The following DDIAS variants were observed in gnomAD, a reference collection of about 807,000 sequenced individuals.
DDIAS encodes DNA damage induced apoptosis suppressor, also known as DNA damage-induced apoptosis suppressor protein.
In DDIAS, 14 loss-of-function variants were observed where a neutral mutation model predicts 15.7. The observed-to-expected ratio is 0.89, with a 90% CI of 0.59 to 1.39. The LOEUF (loss-of-function observed/expected upper bound fraction) is 1.39, where lower values mean the gene tolerates loss of function less well. Ranked by LOEUF, DDIAS falls within the 40% of genes most tolerant of loss-of-function variation. The pLI is 0.00. For synonymous variants in DDIAS, 355 were observed against 395.9 expected (o/e 0.90, Z 1.23); for missense variants, 1,035 against 1,130.9 (o/e 0.92, Z 1.22).
chr11:82,914,905 T>G lies in DDIAS; in HGVS notation c.113+54T>G, dbSNP rs573538532. 4 of 1,221,674 alleles carry G rather than the reference T, an allele frequency of 3.3e-6. No individual in the cohort carries two copies. The African/African-American group carries it at 6.2e-5, about 19-fold the overall frequency. 75.7% of individuals were successfully genotyped at this position (1,221,674 alleles called of 1,614,324 possible). On this transcript the variant is annotated intron_variant, in intron 3 of 5. Transcript: ENST00000533655. ...AGGAAATACAAATGCACACTGTAGA[T>G]TTCCTATGGCTCAAGGGCAAGGACC... is the stretch of plus-strand genomic sequence containing the variant.
chr11:82,932,286 C>T lies in DDIAS; in HGVS notation c.948C>T (p.Gly316=). The T allele has an allele frequency of 6.2e-7, 1 of 1,613,866 alleles. No homozygotes were observed. The highest frequency in any genetic ancestry group is 8.5e-7 in the Non-Finnish European group (1 of 1,179,822). ...STAEKLGKEL[G]LQAKELSAVH... ...CAGAAAAGTTGGGTAAAGAACTTGG[C>T]TTACAAGCTAAGGAGCTGAGTGCAG... is the stretch of plus-strand genomic sequence containing the variant. Residue 316 remains glycine, a synonymous_variant, in exon 6 of 6, where the codon GGC becomes GGT. Coordinates refer to ENST00000533655, the MANE Select transcript of DDIAS (RefSeq NM_145018.4).
At chr11:82,925,374 A>C (rs1425677421) in intron 3 of DDIAS, among the ~76,000 whole-genome samples, 1 of 152,130 alleles carries the variant, frequency 6.6e-6, no homozygotes, top group Admixed American at 6.5e-5. Context: ...AAACAAGAGA[A>C]TCACTTAAGC....
intron 1 of DDIAS, among the ~76,000 whole-genome samples, chr11:82,903,671 T>C (rs1427835414): frequency 6.6e-6 from 1 of 152,352 alleles, no homozygotes; most frequent in Non-Finnish European, 1.5e-5. Context: ...TAGGGACTTA[T>C]TATGACTGCC....
intron 3 of DDIAS, among the ~76,000 whole-genome samples, chr11:82,921,571 CTTTTTTT>C (rs968751055): frequency 9.0e-5 from 7 of 78,132 alleles, no homozygotes; most frequent in Non-Finnish European, 1.2e-4. Context: ...TTCTTTCTTT[CTTTTTTT>C]TTTTTTTTTT....
chr11:82,932,725 G>C lies in DDIAS; in HGVS notation c.1387G>C (p.Val463Leu), dbSNP rs1226419137. 1 of 1,614,058 alleles carries C rather than the reference G, an allele frequency of 6.2e-7. No homozygotes were observed. Residue 463 changes from valine to leucine, a missense_variant, in exon 6 of 6, where the codon GTG (valine) becomes CTG (leucine). Physicochemically the swap from Val to Leu is conservative, Grantham distance 32 (BLOSUM62 1). Transcript: ENST00000533655. ...KFHADHSRLS[V>L]TPQRTTGALH... is the part of the protein sequence containing the mutation. ...TCATGCAGACCACAGCAGGTTATCTGTGACTCCCCAGAGAACTACTGGAGC... is the reference window on the plus strand; with the variant it reads ...TCATGCAGACCACAGCAGGTTATCTCTGACTCCCCAGAGAACTACTGGAGC...
At position 82,902,392 on chromosome 11, in the gene DDIAS, C is replaced by G. The variant is rs11825469; in HGVS notation, c.-117+570C>G. Among the ~76,000 whole-genome samples the G allele has an allele frequency of 8.3e-4, 126 of 151,856 alleles. 2 individuals carry two copies. In the East Asian group the frequency reaches 0.019, roughly 23 times the overall value. On this transcript the variant is annotated intron_variant, in intron 1 of 5. Coordinates refer to ENST00000533655, the MANE Select transcript of DDIAS (RefSeq NM_145018.4). ...TACATAGCTGTGACAGTAACCCCCC[C>G]CTCCCCCGCCGCCCCAGCTGGTTCT... is the stretch of plus-strand genomic sequence containing the variant.
rs374419964 is a variant in DDIAS at position 82,933,330 on chromosome 11, C to T, written c.1992C>T (p.Ser664=). Residue 664 remains serine (S), a synonymous_variant, in exon 6 of 6, where the codon AGC becomes AGT. Coordinates refer to ENST00000533655, the MANE Select transcript of DDIAS (RefSeq NM_145018.4). ...WGHINNNVTQ[S]YSIGYEGSYD... ...ATATCAATAACAACGTAACACAGAGCTATTCTATTGGTTATGAAGGTAGCT... is the reference window on the plus strand; with the variant it reads ...ATATCAATAACAACGTAACACAGAGTTATTCTATTGGTTATGAAGGTAGCT... The T allele has an allele frequency of 6.2e-7, 1 of 1,613,994 alleles. No individual in the cohort carries two copies. Among genetic ancestry groups the T allele is most frequent in the Non-Finnish European group, 8.5e-7 (1 of 1,179,970 alleles).
At chr11:82,921,681 C>T (rs1298755995) in intron 3 of DDIAS, among the ~76,000 whole-genome samples, 2 of 148,698 alleles carry the variant, frequency 1.3e-5, no homozygotes, top group Non-Finnish European at 3.0e-5. Context: ...CAGGTTCAAG[C>T]AATTCTCCTG....
Position 82,934,314 on chromosome 11 carries a change from G to A in DDIAS, c.2976G>A (p.Trp992Ter). 2 of 1,595,708 alleles carry A rather than the reference G, an allele frequency of 1.3e-6. No individual in the cohort carries two copies. Among genetic ancestry groups the A allele is most frequent in the African/African-American group, 1.4e-5 (1 of 73,894 alleles). The change falls in exon 6 of 6, where the codon TGG becomes TGA. Residue 992 changes from tryptophan to a stop codon, truncating the protein, a stop_gained. Coordinates refer to ENST00000533655, the MANE Select transcript of DDIAS (RefSeq NM_145018.4). LOFTEE classifies it high-confidence loss of function. ...PPSVCETRSA[W>*]SPELFS The stretch of plus-strand genomic sequence containing the variant: ...CAGTGTGTGAAACTCGAAGTGCTTG[G>A]TCACCTGAATTGTTTTCATAAAAAG...
chr11:82,931,432 G>A (rs1209159252), intron 5 of DDIAS, among the ~76,000 whole-genome samples: 1 of 152,100 alleles, frequency 6.6e-6, no homozygotes, highest in Non-Finnish European at 1.5e-5. Context: ...GCTCACTGCA[G>A]CCTTGACCTC....
intron 1 of DDIAS, among the ~76,000 whole-genome samples, chr11:82,906,778 GT>G (rs1860440863): frequency 1.3e-5 from 2 of 152,054 alleles, no homozygotes; most frequent in Admixed American, 1.3e-4. Context: ...ATGAAATAAG[GT>G]ACTATATATG....
In DDIAS at chr11:82,932,820, C is replaced by G. The variant is rs991888550; in HGVS notation, c.1482C>G (p.Asp494Glu). The G allele has an allele frequency of 1.2e-6, 2 of 1,613,442 alleles. No individual in the cohort carries two copies. The highest frequency in any genetic ancestry group is 2.7e-5 in the African/African-American group (2 of 74,930). Residue 494 changes from aspartate to glutamate, a missense_variant, in exon 6 of 6, where the codon GAC becomes GAG. Asp to Glu is a conservative substitution (Grantham distance 45). Transcript: ENST00000533655. Reference protein sequence around the residue: ...VIVKANCSKDDFLFNCKGNLS... With the variant: ...VIVKANCSKDEFLFNCKGNLS... ...TCAAAGCAAACTGTAGCAAAGATGA[C>G]TTCCTTTTCAACTGTAAAGGAAATC...
At chr11:82,919,034 T>G (rs1272787748) in intron 3 of DDIAS, among the ~76,000 whole-genome samples, 1 of 152,200 alleles carries the variant, frequency 6.6e-6, no homozygotes, top group East Asian at 1.9e-4. Flanking sequence ...AATCATATTG[T>G]CAGCAAACAG....
chr11:82,915,587 G>A (rs1422475347), intron 3 of DDIAS, among the ~76,000 whole-genome samples: 1 of 152,194 alleles, frequency 6.6e-6, no homozygotes, highest in African/African-American at 2.4e-5. Context: ...AATCCTTGAA[G>A]TAGTTATCAC....
At chr11:82,910,075 A>G (rs1052110805) in intron 1 of DDIAS, among the ~76,000 whole-genome samples, 1 of 152,168 alleles carries the variant, frequency 6.6e-6, no homozygotes, top group Non-Finnish European at 1.5e-5. Flanking sequence ...AGTGACCTCC[A>G]CTTTGTCAGT....
intron 1 of DDIAS, among the ~76,000 whole-genome samples, chr11:82,911,321 G>A (rs1414829960): frequency 6.6e-6 from 1 of 152,202 alleles, no homozygotes; most frequent in Non-Finnish European, 1.5e-5. Context: ...CAGAATTGGA[G>A]TCAATCTTCT....
rs967698032 is a variant in DDIAS at position 82,918,328 on chromosome 11, T to G, written c.113+3477T>G. Among the ~76,000 whole-genome samples the G allele has an allele frequency of 2.0e-5, 3 of 152,358 alleles. No individual in the cohort carries two copies. In the East Asian group the frequency reaches 5.8e-4, roughly 29 times the overall value. ...GGCTAGCCAATGATCCCAGCACCAT[T>G]TGTTGAAAAGGGTGTCCTTTCCCCA... On this transcript the variant is annotated intron_variant, in intron 3 of 5. Coordinates refer to ENST00000533655, the MANE Select transcript of DDIAS (RefSeq NM_145018.4).
At chr11:82,924,057 C>T (rs150197680) in intron 3 of DDIAS, among the ~76,000 whole-genome samples, 1 of 152,310 alleles carries the variant, frequency 6.6e-6, no homozygotes, top group African/African-American at 2.4e-5. Flanking sequence ...TAAAATAGGA[C>T]TCATCGCTCA....
At chr11:82,913,013 A>G (rs955076494) in intron 1 of DDIAS, among the ~76,000 whole-genome samples, 4 of 152,190 alleles carry the variant, frequency 2.6e-5, no homozygotes, top group African/African-American at 9.7e-5. Flanking sequence ...CAAAACAATT[A>G]CAATAGTAAC....
Sources: allele counts gnomAD v4.1 joint callset (sites outside exome capture counted in the v4.1 genomes callset), GRCh38; gene constraint gnomAD v4.1.1; transcripts MANE v1.5; gene names NCBI Gene and HGNC (gene_info 2026-07-23, HGNC 2026-07-21).